NPRL3: variants seen among roughly 807,000 people sequenced by gnomAD.
NPRL3 encodes GATOR1 complex protein NPRL3.
Under a neutral mutation model 57.2 loss-of-function variants are expected in NPRL3, and 23 were observed. That is an observed-to-expected ratio of 0.40 (90% CI 0.29 to 0.57). The LOEUF (loss-of-function observed/expected upper bound fraction) is 0.57, where lower values mean the gene tolerates loss of function less well. Among genes scored for constraint, NPRL3 ranks in the 20% least tolerant of loss-of-function variants. The pLI, the probability that NPRL3 is intolerant of heterozygous loss-of-function variation, is 0.42. For missense variants in NPRL3, 691 were observed against 767.1 expected, an observed-to-expected ratio of 0.90 and a Z score of 1.17; for synonymous variants, 333 against 321.1, an observed-to-expected ratio of 1.04 and a Z score of -0.39.
chr16:102,569 C>T (rs1243944348), intron 7 of NPRL3, among the ~76,000 whole-genome samples: 1 of 152,188 alleles, frequency 6.6e-6, no homozygotes, highest in East Asian at 1.9e-4. Flanking sequence ...CTGTTCACTG[C>T]CCCACTGCCC....
intron 6 of NPRL3, among the ~76,000 whole-genome samples, chr16:111,632 C>G (rs1287994450): frequency 6.6e-6 from 1 of 151,572 alleles, no homozygotes; most frequent in African/African-American, 2.4e-5. Context: ...GGGTTTTTTT[C>G]GGTAGAGGCA....
chr16:133,520 G>C (rs935169472), intron 2 of NPRL3, among the ~76,000 whole-genome samples: 1 of 128,408 alleles, frequency 7.8e-6, no homozygotes, highest in Non-Finnish European at 1.6e-5. Flanking sequence ...ATGAGCCACT[G>C]TGCCTAGCGT....
intron 9 of NPRL3, among the ~76,000 whole-genome samples, chr16:95,370 C>CACACACACAA (rs1567132349): frequency 6.8e-6 from 1 of 147,186 alleles, no homozygotes; most frequent in Non-Finnish European, 1.5e-5. Context: ...CACACACACA[C>CACACACACAA]ACACACACAC....
intron 3 of NPRL3, among the ~76,000 whole-genome samples, chr16:129,676 A>C (rs1346638138): frequency 6.6e-6 from 1 of 152,180 alleles, no homozygotes. Flanking sequence ...AAATTTTTTT[A>C]AAAAGACTTG....
At chr16:108,122 GT>G (rs1453276240) in intron 7 of NPRL3, among the ~76,000 whole-genome samples, 1 of 152,180 alleles carries the variant, frequency 6.6e-6, no homozygotes, top group African/African-American at 2.4e-5. Context: ...GGGAGGCTCA[GT>G]CCCCAGGGTC....
chr16:137,430 C>T (rs2562189), intron 2 of NPRL3, among the ~76,000 whole-genome samples: 80,342 of 152,024 alleles, frequency 0.53, 22,641 homozygotes, highest in African/African-American at 0.72. Context: ...CGCGACGTTC[C>T]CTTTTCCTGT....
chr16:135,226 G>C (rs1901015838), intron 2 of NPRL3, among the ~76,000 whole-genome samples: 1 of 152,194 alleles, frequency 6.6e-6, no homozygotes, highest in East Asian at 1.9e-4. Context: ...GTTGTGGCCT[G>C]TTATAACTCC....
At position 95,348 on chromosome 16, in the gene NPRL3, TATACACACAC is replaced by T. The variant is rs1555440550; in HGVS notation, c.925-2033_925-2024del. Among the ~76,000 whole-genome samples, 169 of 45,000 alleles carry T rather than the reference TATACACACAC, an allele frequency of 3.8e-3. 1 individual carries two copies. Among genetic ancestry groups the T allele is most frequent in the South Asian group, 0.022 (20 of 916 alleles). 29.5% of individuals were successfully genotyped at this position (45,000 alleles called of 152,430 possible). A position where few individuals can be genotyped will look rare whatever the true frequency, so the allele number is the denominator to read the frequency against. Reference sequence around the variant, plus strand: ...GTGTATATATATATATATATATATATATACACACACACACACACACACACACACACACACA... The same window carrying T: ...GTGTATATATATATATATATATATATACACACACACACACACACACACACA... On this transcript the variant is annotated intron_variant, in intron 9 of 13. Transcript: ENST00000611875.
chr16:85,714 T>C lies in NPRL3; in HGVS notation c.*991A>G, dbSNP rs373809871. 116 of 1,533,230 alleles carry C rather than the reference T, an allele frequency of 7.6e-5. 1 individual carries two copies. The highest frequency in any genetic ancestry group is 7.5e-4 in the Admixed American group (38 of 50,456). The allele number at this position is 1,533,230 out of a possible 1,614,324, so 95.0% of individuals were successfully genotyped here. On this transcript the variant is annotated 3_prime_UTR_variant, in exon 14 of 14. Coordinates refer to ENST00000611875, the MANE Select transcript of NPRL3 (RefSeq NM_001077350.3). ...GGGCCCGGAAACCCCTCCGCTTCTA[T>C]GTCCGGGGCAGCCCCTGGGTCAGTG...
At chr16:131,954 TACA>T (rs1900827843) in intron 2 of NPRL3, among the ~76,000 whole-genome samples, 1 of 152,142 alleles carries the variant, frequency 6.6e-6, no homozygotes. Flanking sequence ...TAACAATGTT[TACA>T]ACATCTTTAC....
intron 6 of NPRL3, among the ~76,000 whole-genome samples, 151 bp from the exon 7 acceptor site, chr16:110,757 C>T (rs1003888578): frequency 6.6e-6 from 1 of 152,106 alleles, no homozygotes; most frequent in Non-Finnish European, 1.5e-5. Context: ...ACCATGTTGG[C>T]CAGGCTGGTC....
In NPRL3 at chr16:101,862, T is replaced by C. The variant is rs76889456; in HGVS notation, c.630-1353A>G. Among the ~76,000 whole-genome samples, 609 of 152,304 alleles carry C rather than the reference T, an allele frequency of 4.0e-3. 12 individuals are homozygous for C. The East Asian group carries it at 0.081, about 20-fold the overall frequency. On this transcript the variant is annotated intron_variant, in intron 7 of 13. Transcript: ENST00000611875. The stretch of plus-strand genomic sequence containing the variant: ...CATCGGTCTCCACTCAAGTGTCACA[T>C]TCTCAGTGAAGCACCCCTGACCCCA...
rs1357150562 is a variant in NPRL3 at position 100,699 on chromosome 16, G to A, written c.630-190C>T. ...AAAGAAAATATGGGGGCCGGGCACG[G>A]TGGCTCATGCCTGTAATCCCAGCAC... On this transcript the variant is annotated intron_variant, in intron 7 of 13. Transcript: ENST00000611875. Among the ~76,000 whole-genome samples the A allele has an allele frequency of 8.6e-5, 11 of 128,144 alleles. No individual in the cohort carries two copies. In the East Asian group the frequency reaches 1.9e-3, roughly 22 times the overall value. 84.1% of individuals were successfully genotyped at this position (128,144 alleles called of 152,430 possible). A position where few individuals can be genotyped will look rare whatever the true frequency, so the allele number is the denominator to read the frequency against.
intron 7 of NPRL3, among the ~76,000 whole-genome samples, chr16:109,702 C>T (rs759554098): frequency 1.2e-4 from 18 of 152,192 alleles, no homozygotes; most frequent in East Asian, 1.9e-4. Context: ...CAGCAACACA[C>T]GAGATGCCTC....
At chr16:132,570 T>C (rs1364951752) in intron 2 of NPRL3, among the ~76,000 whole-genome samples, 1 of 152,352 alleles carries the variant, frequency 6.6e-6, no homozygotes. Flanking sequence ...ATGGCATCTA[T>C]AATGGCACAT....
At chr16:112,270 G>A (rs184962670) in intron 6 of NPRL3, among the ~76,000 whole-genome samples, 12 of 152,196 alleles carry the variant, frequency 7.9e-5, no homozygotes, top group African/African-American at 2.9e-4. Flanking sequence ...ATCCAGCCAG[G>A]AAAATTCATC....
chr16:114,317 A>C (rs188463083), intron 5 of NPRL3, among the ~76,000 whole-genome samples: 1 of 152,346 alleles, frequency 6.6e-6, no homozygotes, highest in Admixed American at 6.5e-5. Flanking sequence ...AGTGAGGGAC[A>C]TGCTGAGAAA....
At chr16:110,319 C>T (rs915678363) in intron 7 of NPRL3, among the ~76,000 whole-genome samples, 5 of 150,520 alleles carry the variant, frequency 3.3e-5, no homozygotes, top group Non-Finnish European at 5.9e-5. Context: ...CAAAAAAAAA[C>T]GGCCACCAAG....
At chr16:114,131 A>G (rs1008248881) in intron 5 of NPRL3, among the ~76,000 whole-genome samples, 12 of 152,216 alleles carry the variant, frequency 7.9e-5, no homozygotes, top group African/African-American at 2.4e-4. Flanking sequence ...GAGGAGGACA[A>G]TGATCCTGGA....
Sources: gnomAD v4.1 joint callset for allele counts (sites outside exome capture counted in the v4.1 genomes callset) on GRCh38, gnomAD v4.1.1 for gene constraint, MANE v1.5 for transcripts, NCBI Gene and HGNC (gene_info 2026-07-23, HGNC 2026-07-21) for gene names.